STARD10: variants seen among roughly 807,000 people sequenced by gnomAD.
STARD10 encodes the protein START domain-containing protein 10.
In STARD10, 24 loss-of-function variants were observed where a neutral mutation model predicts 36.0. The observed-to-expected ratio is 0.67, with a 90% confidence interval of 0.48 to 0.94. The LOEUF (loss-of-function observed/expected upper bound fraction) is 0.94. STARD10 is among the 40% of genes least tolerant of loss of function. STARD10 has a pLI of 0.00. For missense variants in STARD10, 335 were observed against 396.6 expected, an observed-to-expected ratio of 0.84 and a Z score of 1.32; for synonymous variants, 156 against 161.9, an observed-to-expected ratio of 0.96 and a Z score of 0.28.
intron 2 of STARD10, among the ~76,000 whole-genome samples, chr11:72,767,202 C>A (rs660043): frequency 0.98 from 148,665 of 152,242 alleles, 72,739 homozygotes; most frequent in African/African-American, 1. Context: ...CCCCAACCTC[C>A]ATAACCATTA....
Position 72,756,177 on chromosome 11 carries a change from G to C in STARD10, c.578-424C>G, listed in dbSNP as rs562026271. 4.2e-4 allele frequency among the ~76,000 whole-genome samples: 64 copies of C among 152,158 alleles called. 1 individual carries two copies. The highest frequency in any genetic ancestry group is 1.5e-3 in the African/African-American group (63 of 41,504). ...TCCAAGTCCTCCCCTGACCACACAG[G>C]CCTCTGGCTGAGCACCCCAGCCTGG... On this transcript the variant is annotated intron_variant, in intron 5 of 6. Coordinates refer to ENST00000334805, the MANE Select transcript of STARD10 (RefSeq NM_006645.3).
chr11:72,781,215 A>G lies in STARD10; in HGVS notation c.-34T>C, dbSNP rs1858992335. The G allele has an allele frequency of 6.3e-7, 1 of 1,582,056 alleles. No homozygotes were observed. Among genetic ancestry groups the G allele is most frequent in the Non-Finnish European group, 8.6e-7 (1 of 1,162,850 alleles). On this transcript the variant is annotated 5_prime_UTR_variant, in exon 2 of 7. The change abolishes the stop of an existing upstream ORF in the 5' untranslated region. Transcript: ENST00000334805. The surrounding 1 kb of genome is among the most constrained non-coding windows in gnomAD (Gnocchi z 4.7). ...TGGGGAGGCCCAGGGCCCTGGTCCT[A>G]GTCCGGCTCTCCTGGGTCCTCCGCG...
Position 72,754,780 on chromosome 11 carries a change from C to A in STARD10, c.*117G>T, listed in dbSNP as rs1329201863. ...CTCTGTCCAGCCAGGCTGCAGCACC[C>A]GCCTGGGCCTGGCCCGGTGCCACCA... On this transcript the variant is annotated 3_prime_UTR_variant, in exon 7 of 7. Transcript: ENST00000334805. 7.0e-5 allele frequency: 101 copies of A among 1,447,778 alleles called. No homozygotes were observed. The highest frequency in any genetic ancestry group is 9.0e-5 in the Non-Finnish European group (96 of 1,072,464). The allele number at this position is 1,447,778 out of a possible 1,614,324, so 89.7% of individuals were successfully genotyped here.
intron 2 of STARD10, among the ~76,000 whole-genome samples, chr11:72,772,894 C>G (rs1285534716): frequency 6.6e-6 from 1 of 152,150 alleles, no homozygotes; most frequent in African/African-American, 2.4e-5. Context: ...GTACCGTCCC[C>G]CAACCATGCT....
rs1591276009 is a variant in STARD10, at chr11:72,793,507, C to G, written c.-746G>C. The G allele has an allele frequency of 1.3e-5, 2 of 152,366 alleles. No homozygotes were observed. The highest frequency in any genetic ancestry group is 3.9e-4 in the East Asian group (2 of 5,184). The allele number at this position is 152,366 out of a possible 1,614,324, so 9.4% of individuals were successfully genotyped here. A position where few individuals can be genotyped will look rare whatever the true frequency, so the allele number is the denominator to read the frequency against. ...ACTCTCTATGATGCTGGAAATCTGC[C>G]TGACTTCCTCTAACCTGTTGTCCCA... On this transcript the variant is annotated 5_prime_UTR_variant, in exon 1 of 7. Transcript: ENST00000334805.
intron 6 of STARD10, 132 bp downstream of exon 6, chr11:72,755,569 C>T (rs1858633141): frequency 9.2e-7 from 1 of 1,085,066 alleles, no homozygotes; most frequent in Non-Finnish European, 1.4e-6. Context: ...CCAAGGCCTC[C>T]CAAAGTGCTG....
intron 1 of STARD10, among the ~76,000 whole-genome samples, chr11:72,789,012 C>A (rs1278107373): frequency 6.6e-6 from 1 of 152,072 alleles, no homozygotes; most frequent in Admixed American, 6.6e-5. Flanking sequence ...TGCACTGCCA[C>A]GCCCAGCTAA....
intron 2 of STARD10, among the ~76,000 whole-genome samples, chr11:72,764,545 C>G (rs1022039907): frequency 5.3e-5 from 8 of 152,210 alleles, no homozygotes; most frequent in African/African-American, 1.9e-4. Context: ...AGGTAAGTGT[C>G]CACAGGCCTC....
In STARD10 at chr11:72,793,579, G is replaced by T; in HGVS notation, c.-818C>A. The T allele has an allele frequency of 6.6e-6, 1 of 152,382 alleles. No homozygotes were observed. 9.4% of individuals were successfully genotyped at this position (152,382 alleles called of 1,614,324 possible). On this transcript the variant is annotated 5_prime_UTR_variant, in exon 1 of 7. Transcript: ENST00000334805. ...GGACTGAATTAGGAGAGGCGATGAA[G>T]AGGGTCATTCCTTGTGAATCATAAA...
intron 1 of STARD10, among the ~76,000 whole-genome samples, chr11:72,787,980 G>A (rs999121845): frequency 1.3e-5 from 2 of 152,092 alleles, no homozygotes; most frequent in South Asian, 2.1e-4. Flanking sequence ...CAGGGACACC[G>A]TTTGGGTGAT....
intron 2 of STARD10, among the ~76,000 whole-genome samples, chr11:72,766,301 C>G (rs1391158615): frequency 1.3e-5 from 2 of 152,162 alleles, no homozygotes; most frequent in African/African-American, 4.8e-5. Flanking sequence ...TGTGCCAGAC[C>G]TGTGTGCAAC....
chr11:72,783,948 T>G (rs1052431543), intron 1 of STARD10, among the ~76,000 whole-genome samples: 1 of 152,076 alleles, frequency 6.6e-6, no homozygotes, highest in Non-Finnish European at 1.5e-5. Flanking sequence ...TTTTGGATCT[T>G]GGGTCAGTAA....
rs535530498 is a variant in STARD10 at position 72,766,779 on chromosome 11, G to A, written c.208-7398C>T. On this transcript the variant is annotated intron_variant, in intron 2 of 6. Coordinates refer to ENST00000334805, the MANE Select transcript of STARD10 (RefSeq NM_006645.3). ...AGTCAGGTCCCCTCCATGGGGCCACGTCCTGGCCTTGAGAGCCAAAGGCCC... is the reference window on the plus strand; with the variant it reads ...AGTCAGGTCCCCTCCATGGGGCCACATCCTGGCCTTGAGAGCCAAAGGCCC... 8.4e-4 allele frequency among the ~76,000 whole-genome samples: 128 copies of A among 152,304 alleles called. 1 individual carries two copies. Among genetic ancestry groups the A allele is most frequent in the African/African-American group, 2.8e-3 (115 of 41,566 alleles).
rs1247494233 is a variant in STARD10 at position 72,758,561 on chromosome 11, T to C, written c.428A>G (p.Tyr143Cys). The change falls in exon 4 of 7, where the codon TAC becomes TGC. Residue 143 changes from tyrosine (Y) to cysteine (C), a missense_variant. Transcript: ENST00000334805. ...TTTGACTGAGTAGTTCATAATGATG[T>C]AATCAGCGCCCATGGGGAGCCAGGA... ...LRSWLPMGAD[Y>C]IIMNYSVKHP... 4 of 1,613,934 alleles carry C rather than the reference T, an allele frequency of 2.5e-6. No homozygotes were observed. The South Asian group carries it at 4.4e-5, about 18-fold the overall frequency.
intron 5 of STARD10, among the ~76,000 whole-genome samples, chr11:72,756,836 G>C (rs1348490391): frequency 1.3e-5 from 2 of 149,862 alleles, no homozygotes; most frequent in Admixed American, 6.6e-5. Context: ...CCGAGGAGGA[G>C]GCAGAATCAA....
At chr11:72,755,858 C>T in intron 5 of STARD10, 105 bp from the exon 6 acceptor site, 1 of 1,059,224 alleles carries the variant, frequency 9.4e-7, no homozygotes, top group Non-Finnish European at 1.4e-6. Flanking sequence ...CCACTGTCTT[C>T]CCCATGAGGA....
Position 72,781,324 on chromosome 11 carries a change from G to A in STARD10, c.-113-30C>T, listed in dbSNP as rs941295024. ...AAGACCGGTTTGGGGACGGGAATCA[G>A]TGCGCTGGGGGCGCGGGTGGGGCTG... On this transcript the variant is annotated intron_variant, in intron 1 of 6. Transcript: ENST00000334805. The surrounding 1 kb of genome is among the most constrained non-coding windows in gnomAD (Gnocchi z 4.7). The A allele has an allele frequency of 6.0e-5, 41 of 687,016 alleles. No homozygotes were observed. The East Asian group carries it at 1.1e-3, about 18-fold the overall frequency. The allele number at this position is 687,016 out of a possible 1,614,324, so 42.6% of individuals were successfully genotyped here.
At chr11:72,788,983 G>A (rs1005382531) in intron 1 of STARD10, among the ~76,000 whole-genome samples, 3 of 152,194 alleles carry the variant, frequency 2.0e-5, no homozygotes, top group Non-Finnish European at 2.9e-5. Flanking sequence ...AGCCTCCTGA[G>A]TAGCTGGGAC....
At chr11:72,755,427 T>C (rs1858631228) in intron 6 of STARD10, 2 of 563,682 alleles carry the variant, frequency 3.5e-6, no homozygotes, top group African/African-American at 1.9e-5. Context: ...TCTCCTGCCT[T>C]AGCCTCCCGA....
Sources: gnomAD v4.1 joint callset for allele counts (sites outside exome capture counted in the v4.1 genomes callset) on GRCh38, gnomAD v4.1.1 for gene constraint, Gnocchi (gnomAD v3.1) non-coding constraint, MANE v1.5 for transcripts, NCBI Gene and HGNC (gene_info 2026-07-23, HGNC 2026-07-21) for gene names.